PRMT1: variants seen among roughly 807,000 people sequenced by gnomAD.
PRMT1 encodes the protein protein arginine N-methyltransferase 1.
Under a neutral mutation model 47.4 loss-of-function variants are expected in PRMT1, and 5 were observed. The observed-to-expected ratio is 0.11, with a 90% confidence interval of 0.06 to 0.22. PRMT1 has a LOEUF of 0.22. Ranked by LOEUF, PRMT1 falls within the 10% of genes least tolerant of loss-of-function variation. The pLI is 1.00. For missense variants in PRMT1, 249 were observed against 518.4 expected, an observed-to-expected ratio of 0.48 and a Z score of 5.05; for synonymous variants, 227 against 204.6, an observed-to-expected ratio of 1.11 and a Z score of -0.94.
chr19:49,685,836 CAG>C lies in PRMT1; in HGVS notation c.760-254_760-253del, dbSNP rs1197396013. ...GCGCCTGCATTCTAGGAGGTCTGGA[CAG>C]AGTTAGGGTGGCACTGCCAGGTTTG... On this transcript the variant is annotated intron_variant, in intron 8 of 10. Transcript: ENST00000454376. This position sits in a 1 kb window ranked among gnomAD's most constrained non-coding sequence, Gnocchi z 4.7. 7.6e-6 allele frequency: 10 copies of C among 1,322,720 alleles called. No individual in the cohort carries two copies. The African/African-American group carries it at 8.9e-5, about 12-fold the overall frequency. 81.9% of individuals were successfully genotyped at this position (1,322,720 alleles called of 1,614,324 possible).
rs1383830537 is a variant in PRMT1, at chr19:49,680,956, CTG to C, written c.192+369_192+370del. Among the ~76,000 whole-genome samples, 4 of 152,272 alleles carry C rather than the reference CTG, an allele frequency of 2.6e-5. No individual in the cohort carries two copies. The highest frequency in any genetic ancestry group is 5.9e-5 in the Non-Finnish European group (4 of 68,044). ...CACACTTCAGATCTGACTGAAGACACTGAAATCCCAGAACGAAGCTGGGGTGG... is the reference window on the plus strand; with the variant it reads ...CACACTTCAGATCTGACTGAAGACACAAATCCCAGAACGAAGCTGGGGTGG... On this transcript the variant is annotated intron_variant, in intron 3 of 10. Coordinates refer to ENST00000454376, the MANE Select transcript of PRMT1 (RefSeq NM_001536.6). The surrounding 1 kb of genome is among the most constrained non-coding windows in gnomAD (Gnocchi z 4.2).
chr19:49,685,202 T>A lies in PRMT1; in HGVS notation c.759+165T>A. The stretch of plus-strand genomic sequence containing the variant: ...GAGGCCCAGGAAAGACACTTCGTCC[T>A]TTAAATATCTTTGTGAGCGCTGCTG... On this transcript the variant is annotated intron_variant, in intron 8 of 10. Coordinates refer to ENST00000454376, the MANE Select transcript of PRMT1 (RefSeq NM_001536.6). This position sits in a 1 kb window ranked among gnomAD's most constrained non-coding sequence, Gnocchi z 4.7. 1 of 1,532,968 alleles carries A rather than the reference T, an allele frequency of 6.5e-7. No homozygotes were observed. The highest frequency in any genetic ancestry group is 1.2e-5 in the South Asian group (1 of 82,904). 95.0% of individuals were successfully genotyped at this position (1,532,968 alleles called of 1,614,324 possible).
upstream of PRMT1, chr19:49,677,134 C>A: frequency 1.5e-6 from 1 of 672,394 alleles, no homozygotes; most frequent in Non-Finnish European, 2.2e-6. Context: ...AGACGGTATT[C>A]TCAGACGGGC....
At position 49,684,729 on chromosome 19, in the gene PRMT1, C is replaced by A. The variant is rs1462528054; in HGVS notation, c.556-25C>A. 6.5e-7 allele frequency: 1 copy of A among 1,548,182 alleles called. No individual in the cohort carries two copies. Among genetic ancestry groups the A allele is most frequent in the African/African-American group, 1.4e-5 (1 of 72,992 alleles). ...GGTAGTGTTGCCAGGCCCCACCCTTCATGCCTCGCCCTGCCCCTCTGTAGG... is the reference window on the plus strand; with the variant it reads ...GGTAGTGTTGCCAGGCCCCACCCTTAATGCCTCGCCCTGCCCCTCTGTAGG... On this transcript the variant is annotated intron_variant, in intron 6 of 10. Transcript: ENST00000454376. The surrounding 1 kb of genome is among the most constrained non-coding windows in gnomAD (Gnocchi z 6.2).
chr19:49,679,322 C>A (rs2082081212), intron 1 of PRMT1, among the ~76,000 whole-genome samples: 1 of 152,182 alleles, frequency 6.6e-6, no homozygotes, highest in African/African-American at 2.4e-5. Flanking sequence ...GAGTCCAAGG[C>A]AGGAGCTGGG....
Position 49,685,480 on chromosome 19 carries a change from A to G in PRMT1, c.759+443A>G. 5 of 1,039,196 alleles carry G rather than the reference A, an allele frequency of 4.8e-6. No homozygotes were observed. Among genetic ancestry groups the G allele is most frequent in the Non-Finnish European group, 5.8e-6 (5 of 862,432 alleles). The allele number at this position is 1,039,196 out of a possible 1,614,324, so 64.4% of individuals were successfully genotyped here. On this transcript the variant is annotated intron_variant, in intron 8 of 10. Transcript: ENST00000454376. This position sits in a 1 kb window ranked among gnomAD's most constrained non-coding sequence, Gnocchi z 4.7. ...AGCTGTGATCACATCACTGCACTCC[A>G]GCTTTGGTGACAATGTTTTGTTTTG...
chr19:49,688,072 C>A lies in PRMT1; in HGVS notation c.1033-90C>A. 8.7e-7 allele frequency: 1 copy of A among 1,145,808 alleles called. No individual in the cohort carries two copies. The highest frequency in any genetic ancestry group is 1.3e-6 in the Non-Finnish European group (1 of 754,180). 71.0% of individuals were successfully genotyped at this position (1,145,808 alleles called of 1,614,324 possible). A position where few individuals can be genotyped will look rare whatever the true frequency, so the allele number is the denominator to read the frequency against. ...CGTGGAGATGGGCAGGAAGCTGGAG[C>A]CCGGCTCATCGTCGCATAGCCTGCC... On this transcript the variant is annotated intron_variant, in intron 10 of 10. Coordinates refer to ENST00000454376, the MANE Select transcript of PRMT1 (RefSeq NM_001536.6). The surrounding 1 kb of genome is among the most constrained non-coding windows in gnomAD (Gnocchi z 5.3).
At position 49,688,064 on chromosome 19, in the gene PRMT1, A is replaced by G. The variant is rs1009584011; in HGVS notation, c.1033-98A>G. On this transcript the variant is annotated intron_variant, in intron 10 of 10. Transcript: ENST00000454376. This position sits in a 1 kb window ranked among gnomAD's most constrained non-coding sequence, Gnocchi z 5.3. ...GTCTGCAGCGTGGAGATGGGCAGGA[A>G]GCTGGAGCCCGGCTCATCGTCGCAT... The G allele has an allele frequency of 1.8e-6, 2 of 1,081,326 alleles. No homozygotes were observed. The highest frequency in any genetic ancestry group is 2.9e-6 in the Non-Finnish European group (2 of 695,972). 67.0% of individuals were successfully genotyped at this position (1,081,326 alleles called of 1,614,324 possible). A position where few individuals can be genotyped will look rare whatever the true frequency, so the allele number is the denominator to read the frequency against.
chr19:49,687,820 G>A (rs958382712), intron 10 of PRMT1: 4 of 375,456 alleles, frequency 1.1e-5, no homozygotes, highest in East Asian at 5.2e-5. Context: ...TCACTGGAAC[G>A]TTTGCCTGAG....
rs370956763 is a variant in PRMT1, at chr19:49,686,737, G to A, written c.1032+11G>A. On this transcript the variant is annotated intron_variant, in intron 10 of 10. Coordinates refer to ENST00000454376, the MANE Select transcript of PRMT1 (RefSeq NM_001536.6). ...AACGCCAAGAACAACGTGAGGCTCC[G>A]GGCAGCTGGGTGGGAGGGTGGCAGC... The A allele has an allele frequency of 2.5e-5, 40 of 1,608,030 alleles. No homozygotes were observed. Among genetic ancestry groups the A allele is most frequent in the Admixed American group, 1.5e-4 (9 of 59,624 alleles).
At chr19:49,677,203 C>T, upstream of PRMT1, 1 of 1,327,828 alleles carries the variant, frequency 7.5e-7, no homozygotes, top group South Asian at 2.1e-5. Context: ...CGTGGACCCT[C>T]TGGTATAAGG....
At chr19:49,679,384 G>C (rs112110762) in intron 1 of PRMT1, among the ~76,000 whole-genome samples, 16 of 152,174 alleles carry the variant, frequency 1.1e-4, no homozygotes, top group Non-Finnish European at 2.2e-4. Context: ...CTCTATTCTG[G>C]AATCCTCTCA....
Position 49,688,257 on chromosome 19 carries a change from C to T in PRMT1, c.*12C>T, listed in dbSNP as rs2082241656. The stretch of plus-strand genomic sequence containing the variant: ...ACCGGATGCGCTGAGGCCCGGCTCT[C>T]CCGCCCTGCACGAGCCCAGGGGCTG... On this transcript the variant is annotated 3_prime_UTR_variant, in exon 11 of 11. Transcript: ENST00000454376. This position sits in a 1 kb window ranked among gnomAD's most constrained non-coding sequence, Gnocchi z 5.3. 2 of 1,613,030 alleles carry T rather than the reference C, an allele frequency of 1.2e-6. No individual in the cohort carries two copies. The highest frequency in any genetic ancestry group is 1.3e-5 in the African/African-American group (1 of 74,912).
chr19:49,676,617 T>C (rs2122914328), upstream of PRMT1, among the ~76,000 whole-genome samples: 1 of 152,310 alleles, frequency 6.6e-6, no homozygotes. Flanking sequence ...TCTCTGGGCC[T>C]CTCACCGATT....
At chr19:49,687,514 G>GCCCCCCCCCCC (rs398034947) in intron 10 of PRMT1, among the ~76,000 whole-genome samples, 1 of 132,516 alleles carries the variant, frequency 7.5e-6, no homozygotes. Context: ...TCCGCTCCCC[G>GCCCCCCCCCCC]CCCCCCCCCA....
At chr19:49,676,597 GC>G (rs905285350), upstream of PRMT1, among the ~76,000 whole-genome samples, 5 of 152,308 alleles carry the variant, frequency 3.3e-5, no homozygotes, top group Admixed American at 6.5e-5. Flanking sequence ...CCCCAGCTAT[GC>G]CCTTCCTCTC....
At position 49,680,360 on chromosome 19, in the gene PRMT1, G is replaced by T; in HGVS notation, c.91-127G>T. On this transcript the variant is annotated intron_variant, in intron 2 of 10. Coordinates refer to ENST00000454376, the MANE Select transcript of PRMT1 (RefSeq NM_001536.6). This position sits in a 1 kb window ranked among gnomAD's most constrained non-coding sequence, Gnocchi z 4.2. ...GGGGGCAAGATGGCAGGCGGGGGCT[G>T]TAGGGTTGTCATGGTATGATTTTGG... 9.0e-7 allele frequency: 1 copy of T among 1,112,664 alleles called. No homozygotes were observed. Among genetic ancestry groups the T allele is most frequent in the Non-Finnish European group, 1.4e-6 (1 of 739,698 alleles). The allele number at this position is 1,112,664 out of a possible 1,614,324, so 68.9% of individuals were successfully genotyped here.
chr19:49,677,461 G>C (rs1010421431), intron 1 of PRMT1, 145 bp downstream of exon 1: 2 of 634,180 alleles, frequency 3.2e-6, no homozygotes, highest in African/African-American at 3.8e-5. Context: ...TCCACATCCG[G>C]GGATATCGTT....
upstream of PRMT1, chr19:49,677,141 G>A (rs2082045874): frequency 2.8e-6 from 2 of 723,990 alleles, no homozygotes; most frequent in Non-Finnish European, 4.0e-6. Context: ...ATTCTCAGAC[G>A]GGCCGCCTCC....
Sources: gnomAD v4.1 joint callset for allele counts (sites outside exome capture counted in the v4.1 genomes callset) on GRCh38, gnomAD v4.1.1 for gene constraint, Gnocchi (gnomAD v3.1) non-coding constraint, MANE v1.5 for transcripts, NCBI Gene and HGNC (gene_info 2026-07-23, HGNC 2026-07-21) for gene names.